The following PLCH2 variants were observed in gnomAD, a reference collection of about 807,000 sequenced individuals.
The protein encoded by PLCH2 is phospholipase C eta 2.
PLCH2 carries 98 observed loss-of-function variants against 134.7 expected under a neutral mutation model. That is an observed-to-expected ratio of 0.73 (90% confidence interval 0.62 to 0.86). The LOEUF (loss-of-function observed/expected upper bound fraction) is 0.86, where lower values mean the gene tolerates loss of function less well. PLCH2 is among the 40% of genes least tolerant of loss of function. The pLI is 0.00. For synonymous variants in PLCH2, 974 were observed against 827.5 expected, an observed-to-expected ratio of 1.18 and a Z score of -3.04; for missense variants, 1,994 against 1,986.6, an observed-to-expected ratio of 1.00 and a Z score of -0.07.
chr1:2,498,728 C>A lies in PLCH2; in HGVS notation c.2350-16C>A, dbSNP rs1412495559. On this transcript the variant is annotated splice_polypyrimidine_tract_variant and intron_variant, in intron 17 of 21. Transcript: ENST00000378486. The surrounding 1 kb of genome is among the most constrained non-coding windows in gnomAD (Gnocchi z 5.4). ...TCGCGATGGGCCCTGATGCCACCCCCACTCCTGTGTCCCAGATCATCGACC... is the reference window on the plus strand; with the variant it reads ...TCGCGATGGGCCCTGATGCCACCCCAACTCCTGTGTCCCAGATCATCGACC... The A allele has an allele frequency of 1.3e-6, 2 of 1,599,828 alleles. No homozygotes were observed. Among genetic ancestry groups the A allele is most frequent in the Non-Finnish European group, 8.5e-7 (1 of 1,172,650 alleles).
intron 2 of PLCH2, among the ~76,000 whole-genome samples, chr1:2,460,943 TGAGG>T (rs1640777069): frequency 6.6e-6 from 1 of 152,170 alleles, no homozygotes. Flanking sequence ...AGCAGGCCCT[TGAGG>T]CTGGGTGCCA....
At chr1:2,502,926 C>T (rs1359133749) in intron 21 of PLCH2, 2 of 717,102 alleles carry the variant, frequency 2.8e-6, no homozygotes, top group African/African-American at 1.7e-5. Flanking sequence ...CCCCTCTTGC[C>T]CTGCGTGGTC....
At position 2,496,235 on chromosome 1, in the gene PLCH2, C is replaced by T. The variant is rs539607628; in HGVS notation, c.1836-372C>T. On this transcript the variant is annotated intron_variant, in intron 13 of 21. Coordinates refer to ENST00000378486, the MANE Select transcript of PLCH2 (RefSeq NM_014638.4). ...GTGTGCCGCTGCCACCCGGCCGACACGGAGGCCCCCTTGGACCCTGGCCTC... is the reference window on the plus strand; with the variant it reads ...GTGTGCCGCTGCCACCCGGCCGACATGGAGGCCCCCTTGGACCCTGGCCTC... Among the ~76,000 whole-genome samples the T allele has an allele frequency of 1.7e-3, 259 of 152,308 alleles. 3 individuals carry two copies. The highest frequency in any genetic ancestry group is 5.9e-3 in the African/African-American group (247 of 41,568).
intron 4 of PLCH2, among the ~76,000 whole-genome samples, chr1:2,482,394 C>T (rs1642019544): frequency 6.6e-6 from 1 of 152,214 alleles, no homozygotes; most frequent in Admixed American, 6.5e-5. Flanking sequence ...AGTGTGTCCC[C>T]TCATGGCTGT....
chr1:2,487,807 CT>C (rs1387406499), intron 8 of PLCH2, 89 bp downstream of exon 8: 1 of 1,286,400 alleles, frequency 7.8e-7, no homozygotes, highest in Non-Finnish European at 1.1e-6. Context: ...CCCACATGTC[CT>C]TTCTTTGGGA....
chr1:2,447,291 C>T (rs1021232510), intron 2 of PLCH2, among the ~76,000 whole-genome samples: 36 of 152,154 alleles, frequency 2.4e-4, no homozygotes, highest in African/African-American at 7.5e-4. Flanking sequence ...TCACCTCACC[C>T]GCATCCTCCA....
upstream of PLCH2, among the ~76,000 whole-genome samples, chr1:2,463,397 C>A (rs567921022): frequency 6.6e-6 from 1 of 152,212 alleles, no homozygotes. Flanking sequence ...GTCCCCAGGT[C>A]GCCCTGGTGC....
chr1:2,443,659 C>G (rs966370224), intron 2 of PLCH2, among the ~76,000 whole-genome samples: 10 of 149,688 alleles, frequency 6.7e-5, no homozygotes, highest in African/African-American at 2.2e-4. Context: ...GCCTCCAGCC[C>G]GGTGCCCGCC....
chr1:2,460,398 C>T lies in PLCH2; in HGVS notation c.116-18078C>T, dbSNP rs1033894668. 3.3e-5 allele frequency among the ~76,000 whole-genome samples: 5 copies of T among 152,218 alleles called. No homozygotes were observed. The East Asian group carries it at 5.8e-4, about 18-fold the overall frequency. ...CACACAGCAGGTGGTTAGTAAACCC[C>T]GGCTGATGGCTAGGGGTATGGAACA... On this transcript the variant is annotated intron_variant, in intron 2 of 3. Transcript: ENST00000609981.
intron 2 of PLCH2, among the ~76,000 whole-genome samples, chr1:2,456,384 G>A (rs1640493852): frequency 6.6e-6 from 1 of 152,200 alleles, no homozygotes; most frequent in Non-Finnish European, 1.5e-5. Flanking sequence ...GGCGGCCCTG[G>A]GGGGCGGGTG....
chr1:2,427,726 A>G (rs1337417438), intron 1 of PLCH2, among the ~76,000 whole-genome samples: 1 of 152,128 alleles, frequency 6.6e-6, no homozygotes, highest in Non-Finnish European at 1.5e-5. Context: ...CAAGGGACAC[A>G]GCGTGAGGGG....
chr1:2,487,747 CCCAG>C (rs1558011335), intron 8 of PLCH2, 29 bp downstream of exon 8: 1 of 1,606,808 alleles, frequency 6.2e-7, no homozygotes, highest in Non-Finnish European at 8.5e-7. Flanking sequence ...CGGGGCTGGC[CCCAG>C]AGGTGGGCAG....
intron 2 of PLCH2, among the ~76,000 whole-genome samples, chr1:2,445,946 C>T (rs551238546): frequency 2.0e-5 from 3 of 152,322 alleles, no homozygotes; most frequent in East Asian, 3.9e-4. Flanking sequence ...CCCACAGTGC[C>T]GTCTGTCCGG....
At chr1:2,471,884 T>C (rs894208202), upstream of PLCH2, among the ~76,000 whole-genome samples, 2 of 152,164 alleles carry the variant, frequency 1.3e-5, no homozygotes, top group African/African-American at 4.8e-5. Flanking sequence ...GGTCAGGCCC[T>C]TCCCTCCACA....
At chr1:2,446,477 C>G (rs1174063912) in intron 2 of PLCH2, among the ~76,000 whole-genome samples, 1 of 152,198 alleles carries the variant, frequency 6.6e-6, no homozygotes, top group Non-Finnish European at 1.5e-5. Flanking sequence ...GCCCCTCCCT[C>G]CCCCCAGCTG....
chr1:2,492,853 C>T (rs1012737907), intron 11 of PLCH2, among the ~76,000 whole-genome samples: 5 of 152,150 alleles, frequency 3.3e-5, no homozygotes, highest in South Asian at 2.1e-4. Context: ...CCTCTACTCA[C>T]GAGTCCCTGA....
chr1:2,463,970 C>T (rs1640941867), upstream of PLCH2, among the ~76,000 whole-genome samples: 1 of 152,244 alleles, frequency 6.6e-6, no homozygotes, highest in Non-Finnish European at 1.5e-5. Context: ...ACTGCCCTTC[C>T]CGGCTCCTGT....
Position 2,444,841 on chromosome 1 carries a change from G to A in PLCH2, c.115+14212G>A, listed in dbSNP as rs1639868189. Among the ~76,000 whole-genome samples the A allele has an allele frequency of 6.6e-6, 1 of 152,026 alleles. No homozygotes were observed. The highest frequency in any genetic ancestry group is 2.4e-5 in the African/African-American group (1 of 41,374). ...TTCGTCCCCTGACACGTTGGTCTGG[G>A]GAGGCGGGGTCACGGTGCCCCAACA... On this transcript the variant is annotated intron_variant, in intron 2 of 3. Transcript: ENST00000609981. This position sits in a 1 kb window ranked among gnomAD's most constrained non-coding sequence, Gnocchi z 4.6.
chr1:2,498,292 G>A lies in PLCH2; in HGVS notation c.2225-231G>A, dbSNP rs1643006878. ...GCCATGTGACCTCCTCGGCTCAGCT[G>A]TGGGAGGCATGGGCTCTGTCCCACA... On this transcript the variant is annotated intron_variant, in intron 16 of 21. Coordinates refer to ENST00000378486, the MANE Select transcript of PLCH2 (RefSeq NM_014638.4). The surrounding 1 kb of genome is among the most constrained non-coding windows in gnomAD (Gnocchi z 5.4). 3.7e-6 allele frequency: 2 copies of A among 541,212 alleles called. No individual in the cohort carries two copies. Among genetic ancestry groups the A allele is most frequent in the East Asian group, 6.2e-5 (2 of 32,198 alleles). 33.5% of individuals were successfully genotyped at this position (541,212 alleles called of 1,614,324 possible).
Sources: gnomAD v4.1 joint callset for allele counts (sites outside exome capture counted in the v4.1 genomes callset) on GRCh38, gnomAD v4.1.1 for gene constraint, Gnocchi (gnomAD v3.1) non-coding constraint, MANE v1.5 for transcripts, NCBI Gene and HGNC (gene_info 2026-07-23, HGNC 2026-07-21) for gene names.